The following AHNAK variants were observed in gnomAD, a reference collection of about 807,000 sequenced individuals.
AHNAK encodes neuroblast differentiation-associated protein AHNAK.
A neutral mutation model predicts 37.8 loss-of-function variants in AHNAK; 23 were observed. That is an observed-to-expected ratio of 0.61 (90% CI 0.44 to 0.86). AHNAK has a LOEUF of 0.86. Among genes scored for constraint, AHNAK ranks in the 40% least tolerant of loss-of-function variants. The pLI, the probability that AHNAK is intolerant of heterozygous loss-of-function variation, is 0.00. For missense variants in AHNAK, 7,411 were observed against 7,319.4 expected, an observed-to-expected ratio of 1.01 and a Z score of -0.46; for synonymous variants, 2,481 against 2,636.3, an observed-to-expected ratio of 0.94 and a Z score of 1.80.
At position 62,536,056 on chromosome 11, in the gene AHNAK, A is replaced by G. The variant is rs1407721659; in HGVS notation, c.43T>C (p.Trp15Arg). The change falls in exon 3 of 5, where the codon TGG (tryptophan) becomes CGG (arginine). Residue 15 changes from tryptophan to arginine, a missense_variant. Coordinates refer to ENST00000378024, the MANE Select transcript of AHNAK (RefSeq NM_001620.3). ...AGCCCGTGGGAGCCACTACCCTGCC[A>G]GTTGGGCAGCAGCAGCTCCCGGGTT... ...ETTRELLLPN[W>R]QGSGSHGLTI... The G allele has an allele frequency of 6.2e-7, 1 of 1,607,758 alleles. No homozygotes were observed. The highest frequency in any genetic ancestry group is 1.1e-5 in the South Asian group (1 of 90,550).
intron 4 of AHNAK, among the ~76,000 whole-genome samples, chr11:62,498,018 A>T (rs1457605057): frequency 1.3e-5 from 2 of 152,204 alleles, no homozygotes; most frequent in East Asian, 3.8e-4. Flanking sequence ...CAATAGAGGA[A>T]TTGTCAAATA....
In AHNAK at chr11:62,491,736, A is replaced by AT; in HGVS notation, c.437dup (p.Asn146LysfsTer16). 1 of 1,610,082 alleles carries AT rather than the reference A, an allele frequency of 6.2e-7. No homozygotes were observed. Among genetic ancestry groups the AT allele is most frequent in the Non-Finnish European group, 8.5e-7 (1 of 1,178,148 alleles). On this transcript the variant is annotated frameshift_variant, in exon 5 of 6. Coordinates refer to the AHNAK transcript ENST00000257247. LOFTEE classifies it high-confidence loss of function. ...AGTCCCCATCACTTCTCTCACCTGC[A>AT]TTTGGGGTGGAGACTGAAACTGCCC...
At chr11:62,479,666 T>C (rs1406554942) in intron 5 of AHNAK, among the ~76,000 whole-genome samples, 2 of 152,044 alleles carry the variant, frequency 1.3e-5, no homozygotes, top group Admixed American at 6.6e-5. Flanking sequence ...CAGAGGGGAA[T>C]ACCCCATACA....
intron 4 of AHNAK, among the ~76,000 whole-genome samples, chr11:62,510,667 C>T (rs1211990236): frequency 6.6e-6 from 1 of 151,848 alleles, no homozygotes; most frequent in South Asian, 2.1e-4. Flanking sequence ...TTGCTTGAGC[C>T]CAGGAGGTGG....
downstream of AHNAK, among the ~76,000 whole-genome samples, chr11:62,514,137 T>G (rs1939963753): frequency 6.6e-6 from 1 of 152,172 alleles, no homozygotes; most frequent in Non-Finnish European, 1.5e-5. Context: ...TGGGTAGTTC[T>G]CCTCAGAGGA....
chr11:62,434,598 A>C (rs1175545247), intron 5 of AHNAK, among the ~76,000 whole-genome samples: 2 of 152,240 alleles, frequency 1.3e-5, no homozygotes, highest in African/African-American at 2.4e-5. Flanking sequence ...TCCTGCGCTC[A>C]AGAAAGTTCA....
At chr11:62,452,047 C>T (rs1424131307) in intron 5 of AHNAK, among the ~76,000 whole-genome samples, 9 of 151,882 alleles carry the variant, frequency 5.9e-5, no homozygotes, top group African/African-American at 1.9e-4. Flanking sequence ...CTCCTGACCT[C>T]GTGATCCACC....
chr11:62,529,316 C>A lies in AHNAK; in HGVS notation c.5101G>T (p.Val1701Leu), dbSNP rs781694111. Reference sequence around the variant, plus strand: ...TGCCAATCTGGGTCGTGAACCTCCACATCTGGGGCATCAATGTCCACTTTG... The same window carrying A: ...TGCCAATCTGGGTCGTGAACCTCCAAATCTGGGGCATCAATGTCCACTTTG... ...GPKVDIDAPD[V>L]EVHDPDWHLK... is the part of the protein sequence containing the mutation. Residue 1701 changes from valine to leucine, a missense_variant, in exon 5 of 5, where the codon GTG becomes TTG. By Grantham distance (32) the Val-to-Leu change is conservative. Transcript: ENST00000378024. 1.2e-6 allele frequency: 2 copies of A among 1,614,150 alleles called. No homozygotes were observed. Among genetic ancestry groups the A allele is most frequent in the Non-Finnish European group, 8.5e-7 (1 of 1,180,038 alleles).
intron 5 of AHNAK, among the ~76,000 whole-genome samples, chr11:62,488,084 T>A (rs1188806484): frequency 1.3e-5 from 2 of 152,240 alleles, no homozygotes; most frequent in Non-Finnish European, 2.9e-5. Context: ...AGACTTTCTC[T>A]GAATCCCTGT....
chr11:62,459,708 TC>T (rs1256612263), intron 5 of AHNAK, among the ~76,000 whole-genome samples: 31 of 152,256 alleles, frequency 2.0e-4, no homozygotes, highest in African/African-American at 7.0e-4. Context: ...GGCATCATGG[TC>T]CCCTAATCTC....
chr11:62,505,891 A>G (rs1939802065), intron 4 of AHNAK, among the ~76,000 whole-genome samples: 1 of 151,708 alleles, frequency 6.6e-6, no homozygotes, highest in Non-Finnish European at 1.5e-5. Context: ...TCCGGAATGA[A>G]GAGCAAGCGG....
intron 5 of AHNAK, among the ~76,000 whole-genome samples, chr11:62,437,120 C>T (rs1938189200): frequency 6.6e-6 from 1 of 152,118 alleles, no homozygotes; most frequent in South Asian, 2.1e-4. Flanking sequence ...CCCCACCAGA[C>T]AGAATCATGA....
chr11:62,527,734 T>G lies in AHNAK; in HGVS notation c.6683A>C (p.Asp2228Ala), dbSNP rs749811530. ...VDIRGPKVDI[D>A]APDVDVHGPD... ...GCCATGAACATCCACATCTGGGGCA[T>G]CAATGTCCACTTTGGGCCCTCTGAT... Residue 2228 changes from aspartate to alanine, a missense_variant, in exon 5 of 5, where the codon GAT (aspartate) becomes GCT (alanine). Asp to Ala is a moderately radical substitution (Grantham distance 126, BLOSUM62 -2). Transcript: ENST00000378024. 5 of 1,614,076 alleles carry G rather than the reference T, an allele frequency of 3.1e-6. No homozygotes were observed. Among genetic ancestry groups the G allele is most frequent in the Non-Finnish European group, 4.2e-6 (5 of 1,180,020 alleles).
rs1940925188 is a variant in AHNAK, at chr11:62,535,809, C to A, written c.154+136G>T. 15 of 1,220,062 alleles carry A rather than the reference C, an allele frequency of 1.2e-5. No individual in the cohort carries two copies. In the South Asian group the frequency reaches 2.3e-4, roughly 19 times the overall value. The allele number at this position is 1,220,062 out of a possible 1,614,324, so 75.6% of individuals were successfully genotyped here. A position where few individuals can be genotyped will look rare whatever the true frequency, so the allele number is the denominator to read the frequency against. ...GCCAAGGGAGGGCAGGGCTTGGGTACCAACCACCCTGATGCCACTGGGAAT... is the reference window on the plus strand; with the variant it reads ...GCCAAGGGAGGGCAGGGCTTGGGTAACAACCACCCTGATGCCACTGGGAAT... On this transcript the variant is annotated intron_variant, in intron 3 of 4. Coordinates refer to ENST00000378024, the MANE Select transcript of AHNAK (RefSeq NM_001620.3).
At chr11:62,448,923 C>A (rs1301401654) in intron 5 of AHNAK, among the ~76,000 whole-genome samples, 1 of 152,018 alleles carries the variant, frequency 6.6e-6, no homozygotes, top group Non-Finnish European at 1.5e-5. Flanking sequence ...CAAAAATTAG[C>A]CAGGCGTGGT....
chr11:62,439,929 C>T (rs1385093562), intron 5 of AHNAK, among the ~76,000 whole-genome samples: 2 of 152,122 alleles, frequency 1.3e-5, no homozygotes, highest in African/African-American at 2.4e-5. Flanking sequence ...CCGCCTCCCA[C>T]AGTGCTAGGA....
chr11:62,453,500 C>A (rs986952104), intron 5 of AHNAK, among the ~76,000 whole-genome samples: 2 of 152,104 alleles, frequency 1.3e-5, no homozygotes, highest in African/African-American at 4.8e-5. Context: ...CTTAGAAACA[C>A]CCCAGGAGAC....
chr11:62,435,473 C>T (rs1229078319), intron 5 of AHNAK, among the ~76,000 whole-genome samples: 4 of 151,892 alleles, frequency 2.6e-5, no homozygotes, highest in Admixed American at 2.0e-4. Context: ...TGCAGTGGCG[C>T]GATCTTGGCT....
chr11:62,527,720 C>T lies in AHNAK; in HGVS notation c.6697G>A (p.Asp2233Asn), dbSNP rs1421458137. 2 of 1,614,054 alleles carry T rather than the reference C, an allele frequency of 1.2e-6. No individual in the cohort carries two copies. Among genetic ancestry groups the T allele is most frequent in the East Asian group, 2.2e-5 (1 of 44,852 alleles). The change falls in exon 5 of 5, where the codon GAT becomes AAT. Residue 2233 changes from aspartate (D) to asparagine (N), a missense_variant. Asp to Asn is a conservative substitution (Grantham distance 23, BLOSUM62 1). Coordinates refer to ENST00000378024, the MANE Select transcript of AHNAK (RefSeq NM_001620.3). The stretch of plus-strand genomic sequence containing the variant: ...AGGTGCCAGTCTGGGCCATGAACAT[C>T]CACATCTGGGGCATCAATGTCCACT... ...PKVDIDAPDV[D>N]VHGPDWHLKM... is the part of the protein sequence containing the mutation.
Sources: gnomAD v4.1 joint callset for allele counts (sites outside exome capture counted in the v4.1 genomes callset) on GRCh38, gnomAD v4.1.1 for gene constraint, MANE v1.5 for transcripts, NCBI Gene and HGNC (gene_info 2026-07-23, HGNC 2026-07-21) for gene names.